WWOX: variants seen among roughly 807,000 people sequenced by gnomAD.
The protein encoded by WWOX is WW domain containing oxidoreductase.
WWOX carries 69 observed loss-of-function variants against 46.2 expected under a neutral mutation model. That is an observed-to-expected ratio of 1.49 (90% CI 1.23 to 1.82). The LOEUF (loss-of-function observed/expected upper bound fraction) is 1.82. Ranked by LOEUF, WWOX falls within the 40% of genes most tolerant of loss-of-function variation. WWOX has a pLI of 0.00. For missense variants in WWOX, 919 were observed against 542.6 expected (o/e 1.69, Z -6.89); for synonymous variants, 359 against 202.6 (o/e 1.77, Z -6.56).
At chr16:78,119,665 T>C (rs970845448) in intron 4 of WWOX, among the ~76,000 whole-genome samples, 1 of 151,954 alleles carries the variant, frequency 6.6e-6, no homozygotes, top group Non-Finnish European at 1.5e-5. Context: ...GGTCTCACTG[T>C]GTTGCTCAGG....
At chr16:79,162,089 C>A (rs2050497338) in intron 8 of WWOX, among the ~76,000 whole-genome samples, 1 of 152,146 alleles carries the variant, frequency 6.6e-6, no homozygotes, top group Non-Finnish European at 1.5e-5. Context: ...CTGGCTACCC[C>A]CTGAATCATT....
At chr16:78,846,301 A>G (rs73579314) in intron 8 of WWOX, among the ~76,000 whole-genome samples, 3 of 152,220 alleles carry the variant, frequency 2.0e-5, no homozygotes, top group African/African-American at 7.2e-5. Flanking sequence ...CACTCAGACT[A>G]TAACTGACCA....
chr16:78,827,392 G>T (rs1167527241), intron 8 of WWOX, among the ~76,000 whole-genome samples: 1 of 152,118 alleles, frequency 6.6e-6, no homozygotes, highest in Non-Finnish European at 1.5e-5. Context: ...CACAGAGGAA[G>T]TGGAGCTGGA....
At chr16:79,114,517 G>C (rs1332305559) in intron 8 of WWOX, among the ~76,000 whole-genome samples, 1 of 151,862 alleles carries the variant, frequency 6.6e-6, no homozygotes, top group Non-Finnish European at 1.5e-5. Flanking sequence ...ATAAGCCAGG[G>C]AACAGCAAGC....
chr16:78,204,193 A>G (rs906702311), intron 5 of WWOX, among the ~76,000 whole-genome samples: 13 of 152,176 alleles, frequency 8.5e-5, no homozygotes, highest in Non-Finnish European at 1.0e-4. Flanking sequence ...AAAGCTATTT[A>G]TTACCAGATG....
At chr16:78,332,283 G>A (rs1270112085) in intron 5 of WWOX, among the ~76,000 whole-genome samples, 2 of 152,038 alleles carry the variant, frequency 1.3e-5, no homozygotes, top group South Asian at 2.1e-4. Flanking sequence ...CTCTGCTTCC[G>A]CATTTCTAAA....
At chr16:78,967,554 C>G (rs534036837) in intron 8 of WWOX, among the ~76,000 whole-genome samples, 2 of 145,452 alleles carry the variant, frequency 1.4e-5, no homozygotes, top group African/African-American at 2.5e-5. Context: ...ATCCACCCAT[C>G]TTGGCCTCCC....
chr16:78,198,888 G>A (rs956723691), intron 5 of WWOX, among the ~76,000 whole-genome samples: 13 of 151,958 alleles, frequency 8.6e-5, no homozygotes, highest in African/African-American at 2.9e-4. Context: ...ACAGTTCTTT[G>A]CTCTGGGAGT....
intron 8 of WWOX, among the ~76,000 whole-genome samples, chr16:78,647,064 C>T (rs945582311): frequency 6.6e-6 from 1 of 152,148 alleles, no homozygotes; most frequent in Non-Finnish European, 1.5e-5. Context: ...TGTGACCCAG[C>T]AACTTCCTTC....
chr16:78,213,920 C>T (rs902935621), intron 5 of WWOX, among the ~76,000 whole-genome samples: 6 of 152,082 alleles, frequency 3.9e-5, no homozygotes, highest in Admixed American at 2.0e-4. Context: ...CAGACCTGTC[C>T]GGGGTGTGAG....
intron 8 of WWOX, among the ~76,000 whole-genome samples, chr16:78,731,537 T>G (rs1178456669): frequency 2.6e-5 from 4 of 152,194 alleles, no homozygotes; most frequent in Non-Finnish European, 5.9e-5. Context: ...TCATTCCTTC[T>G]TATCTATCCC....
chr16:78,331,835 T>G (rs185600931), intron 5 of WWOX, among the ~76,000 whole-genome samples: 97 of 152,296 alleles, frequency 6.4e-4, no homozygotes, highest in Admixed American at 3.5e-3. Context: ...ATTTAATTCT[T>G]CCAACAACGT....
At chr16:79,006,597 G>A (rs919875583) in intron 8 of WWOX, among the ~76,000 whole-genome samples, 2 of 151,220 alleles carry the variant, frequency 1.3e-5, no homozygotes, top group African/African-American at 4.9e-5. Flanking sequence ...GATTACAAAT[G>A]TACCGTCTTA....
intron 5 of WWOX, among the ~76,000 whole-genome samples, chr16:78,192,071 A>C (rs1028932706): frequency 5.9e-5 from 9 of 152,170 alleles, no homozygotes; most frequent in Non-Finnish European, 1.0e-4. Flanking sequence ...AAGAGGGACA[A>C]AAATAGGACC....
rs2032380473 is a variant in WWOX at position 78,109,778 on chromosome 16, A to G, written c.173A>G (p.Asp58Gly). ...TAGACCTGTCTTTCTTGTGTTTCAG[A>G]TTTGCCATACGGATGGGAACAAGAA... ...KTGKRKRVAG[D>G]LPYGWEQETD... The change falls in exon 3 of 9, where the codon GAT (aspartate) becomes GGT (glycine). Residue 58 changes from aspartate (D) to glycine (G), a missense_variant and splice_region_variant. Physicochemically the swap from Asp to Gly is moderately conservative, Grantham distance 94. Coordinates refer to ENST00000566780, the MANE Select transcript of WWOX (RefSeq NM_016373.4). 2.5e-6 allele frequency: 4 copies of G among 1,613,964 alleles called. No homozygotes were observed. The highest frequency in any genetic ancestry group is 2.2e-5 in the South Asian group (2 of 91,072).
At chr16:78,296,861 G>A (rs967221380) in intron 5 of WWOX, among the ~76,000 whole-genome samples, 1 of 152,152 alleles carries the variant, frequency 6.6e-6, no homozygotes, top group Admixed American at 6.5e-5. Flanking sequence ...GTTGTACATG[G>A]CAACCAAATA....
chr16:78,875,577 C>T (rs750911619), intron 8 of WWOX, among the ~76,000 whole-genome samples: 7 of 152,218 alleles, frequency 4.6e-5, no homozygotes, highest in East Asian at 1.9e-4. Flanking sequence ...CCTCTCTTCC[C>T]GACTCTTCAT....
At chr16:78,367,057 G>C (rs2081550993) in intron 5 of WWOX, among the ~76,000 whole-genome samples, 1 of 141,198 alleles carries the variant, frequency 7.1e-6, no homozygotes, top group African/African-American at 2.7e-5. Context: ...TCAGCTCACA[G>C]CAAGCTCTGC....
chr16:78,468,942 G>A (rs1314587614), intron 8 of WWOX, among the ~76,000 whole-genome samples: 2 of 152,148 alleles, frequency 1.3e-5, no homozygotes, highest in Admixed American at 6.5e-5. Flanking sequence ...ATTCAAGAGC[G>A]AAACTTTTGG....
Sources: gnomAD v4.1 joint callset for allele counts (sites outside exome capture counted in the v4.1 genomes callset) on GRCh38, gnomAD v4.1.1 for gene constraint, MANE v1.5 for transcripts, NCBI Gene and HGNC (gene_info 2026-07-23, HGNC 2026-07-21) for gene names.